The following CFAP20DC variants were observed in gnomAD, a reference collection of about 807,000 sequenced individuals.
The protein encoded by CFAP20DC is CFAP20 domain containing, also known as protein CFAP20DC.
Under a neutral mutation model 101.7 loss-of-function variants are expected in CFAP20DC, and 84 were observed. That is an observed-to-expected ratio of 0.83 (90% CI 0.69 to 0.99). CFAP20DC has a LOEUF of 0.99. Among genes scored for constraint, CFAP20DC ranks in the 50% least tolerant of loss-of-function variants. CFAP20DC has a pLI of 0.00. For synonymous variants in CFAP20DC, 359 were observed against 351.2 expected (o/e 1.02, Z -0.25); for missense variants, 1,007 against 970.3 (o/e 1.04, Z -0.50).
At chr3:58,734,523 T>G (rs1207716773) in intron 3 of CFAP20DC, 1 of 456,456 alleles carries the variant, frequency 2.2e-6, no homozygotes, top group South Asian at 1.5e-5. Context: ...ATCTTGGATG[T>G]CTCCAAGCTC....
intron 14 of CFAP20DC, among the ~76,000 whole-genome samples, chr3:58,821,173 C>G (rs2075612683): frequency 6.6e-6 from 1 of 151,960 alleles, no homozygotes; most frequent in African/African-American, 2.4e-5. Context: ...AAACGTTAGA[C>G]CTAAAACCAT....
chr3:58,738,160 A>G (rs1345818718), downstream of CFAP20DC, among the ~76,000 whole-genome samples: 1 of 152,122 alleles, frequency 6.6e-6, no homozygotes, highest in Non-Finnish European at 1.5e-5. This position sits in a 1 kb window ranked among gnomAD's most constrained non-coding sequence, Gnocchi z 4.4. Flanking sequence ...ACCATATGTG[A>G]ACAGGTGATA....
chr3:58,906,862 G>C (rs1250546330), intron 6 of CFAP20DC, among the ~76,000 whole-genome samples: 1 of 152,130 alleles, frequency 6.6e-6, no homozygotes, highest in African/African-American at 2.4e-5. Flanking sequence ...CATGGAGGCT[G>C]AGGCTGCAGT....
At chr3:58,881,390 G>A (rs774056697) in intron 7 of CFAP20DC, among the ~76,000 whole-genome samples, 12 of 152,122 alleles carry the variant, frequency 7.9e-5, no homozygotes, top group Non-Finnish European at 1.8e-4. Context: ...CATTTAAACC[G>A]GGGTCCCATT....
At chr3:59,030,625 T>A (rs2093972826) in intron 4 of CFAP20DC, among the ~76,000 whole-genome samples, 1 of 152,192 alleles carries the variant, frequency 6.6e-6, no homozygotes, top group South Asian at 2.1e-4. Context: ...CAACTGAATT[T>A]AAAATATAGT....
intron 13 of CFAP20DC, among the ~76,000 whole-genome samples, chr3:58,838,356 G>A (rs2076879663): frequency 6.6e-6 from 1 of 152,158 alleles, no homozygotes; most frequent in Admixed American, 6.6e-5. Flanking sequence ...CAGACTTGAT[G>A]CTGCCTTTGA....
chr3:58,730,839 GATAACACAA>G (rs1280408845), intron 3 of CFAP20DC, among the ~76,000 whole-genome samples: 7 of 152,036 alleles, frequency 4.6e-5, no homozygotes. Flanking sequence ...GTGGTTCAGT[GATAACACAA>G]ATTGAAAGGT....
rs1168518168 is a variant in CFAP20DC at position 58,732,024 on chromosome 3, T to C, written c.198-14396A>G. On this transcript the variant is annotated intron_variant, in intron 3 of 3. Transcript: ENST00000486145. The surrounding 1 kb of genome is among the most constrained non-coding windows in gnomAD (Gnocchi z 5.4). ...GATGAACACAGTTGCGAGGATTAAATGAGAAAATATGCACATACAGTTCAG... is the reference window on the plus strand; with the variant it reads ...GATGAACACAGTTGCGAGGATTAAACGAGAAAATATGCACATACAGTTCAG... Among the ~76,000 whole-genome samples, 1 of 152,160 alleles carries C rather than the reference T, an allele frequency of 6.6e-6. No homozygotes were observed. The highest frequency in any genetic ancestry group is 2.4e-5 in the African/African-American group (1 of 41,426).
rs377240102 is a variant in CFAP20DC at position 58,742,192 on chromosome 3, T to TTTGTTTATTTC, written c.*267_*268insGAAATAAACAA. The stretch of plus-strand genomic sequence containing the variant: ...AAATTATCTGAAATAAACAAAATTA[T>TTTGTTTATTTC]ATGTAGAATGAGAACAAACAAGAAC... On this transcript the variant is annotated 3_prime_UTR_variant, in exon 17 of 17. Transcript: ENST00000482387. 154 of 968,614 alleles carry TTTGTTTATTTC rather than the reference T, an allele frequency of 1.6e-4. 2 individuals carry two copies. The East Asian group carries it at 0.011, about 67-fold the overall frequency. 60.0% of individuals were successfully genotyped at this position (968,614 alleles called of 1,614,324 possible).
At position 58,863,813 on chromosome 3, in the gene CFAP20DC, G is replaced by C. The variant is rs1267217200; in HGVS notation, c.1338C>G (p.Asp446Glu). The C allele has an allele frequency of 1.2e-6, 2 of 1,614,052 alleles. No homozygotes were observed. Among genetic ancestry groups the C allele is most frequent in the Non-Finnish European group, 1.7e-6 (2 of 1,180,018 alleles). Residue 446 changes from aspartate to glutamate, a missense_variant, in exon 12 of 17, where the codon GAC becomes GAG. Transcript: ENST00000482387. The surrounding 1 kb of genome is among the most constrained non-coding windows in gnomAD (Gnocchi z 5.9). The part of the protein sequence containing the change: ...SSRQSLLLGD[D>E]SCNPSHLWLE... ...GCCACAGGTGTGATGGGTTGCAGGA[G>C]TCATCACCCAGAAGTAGAGACTGTC...
intron 4 of CFAP20DC, among the ~76,000 whole-genome samples, chr3:58,945,441 T>C: frequency 6.6e-6 from 1 of 152,108 alleles, no homozygotes; most frequent in East Asian, 1.9e-4. Flanking sequence ...CATCCACAAA[T>C]CCTTCCTTTT....
intron 13 of CFAP20DC, among the ~76,000 whole-genome samples, chr3:58,841,640 G>A (rs774028934): frequency 2.6e-5 from 4 of 152,216 alleles, no homozygotes; most frequent in Non-Finnish European, 5.9e-5. Flanking sequence ...ATATTCAAAA[G>A]TGTCTTTCCA....
intron 6 of CFAP20DC, among the ~76,000 whole-genome samples, chr3:58,907,584 T>G (rs2083731918): frequency 6.6e-6 from 1 of 152,194 alleles, no homozygotes; most frequent in Non-Finnish European, 1.5e-5. Context: ...CTCAGAGATG[T>G]TCAGAACTCA....
rs2079970110 is a variant in CFAP20DC at position 58,869,591 on chromosome 3, G to C, written c.853-101C>G. 2.3e-6 allele frequency: 2 copies of C among 852,016 alleles called. No individual in the cohort carries two copies. Among genetic ancestry groups the C allele is most frequent in the Non-Finnish European group, 3.4e-6 (2 of 593,292 alleles). The allele number at this position is 852,016 out of a possible 1,614,324, so 52.8% of individuals were successfully genotyped here. On this transcript the variant is annotated intron_variant, in intron 8 of 16. Transcript: ENST00000482387. The surrounding 1 kb of genome is among the most constrained non-coding windows in gnomAD (Gnocchi z 4.3). ...TAATATTTGGACCAATGAAGAGTGA[G>C]AAAAAAACTAGAGGAAATGAGGTTA...
At chr3:58,880,257 T>A (rs1450799535) in intron 7 of CFAP20DC, among the ~76,000 whole-genome samples, 1 of 152,188 alleles carries the variant, frequency 6.6e-6, no homozygotes, top group Non-Finnish European at 1.5e-5. Flanking sequence ...TTAAAAATTT[T>A]ATGCATATAT....
chr3:58,807,213 T>C (rs184354688), intron 14 of CFAP20DC, among the ~76,000 whole-genome samples: 1 of 152,178 alleles, frequency 6.6e-6, no homozygotes, highest in Non-Finnish European at 1.5e-5. Context: ...AAGAGAGCAG[T>C]GGTTCTCCCA....
intron 4 of CFAP20DC, among the ~76,000 whole-genome samples, chr3:58,965,247 C>G (rs1169294016): frequency 6.6e-6 from 1 of 152,136 alleles, no homozygotes; most frequent in African/African-American, 2.4e-5. Flanking sequence ...GAATGGGTTT[C>G]AAACCTAGAT....
intron 15 of CFAP20DC, among the ~76,000 whole-genome samples, chr3:58,766,995 C>T (rs1371126984): frequency 1.3e-5 from 2 of 152,164 alleles, no homozygotes; most frequent in African/African-American, 2.4e-5. Flanking sequence ...TAAGAGCTCT[C>T]GTCTCAGCTC....
rs184598660 is a variant in CFAP20DC at position 58,816,945 on chromosome 3, G to C, written c.2176-10489C>G. ...TCCCAGCACGCAGCTGGAGATCTGAGAACCAGCAGACTGCCTCCTCAAGTG... is the reference window on the plus strand; with the variant it reads ...TCCCAGCACGCAGCTGGAGATCTGACAACCAGCAGACTGCCTCCTCAAGTG... On this transcript the variant is annotated intron_variant, in intron 14 of 16. Coordinates refer to ENST00000482387, the MANE Select transcript of CFAP20DC (RefSeq NM_001394063.1). Among the ~76,000 whole-genome samples the C allele has an allele frequency of 3.0e-4, 45 of 152,316 alleles. No individual in the cohort carries two copies. In the East Asian group the frequency reaches 5.8e-3, roughly 20 times the overall value.
Sources: gnomAD v4.1 joint callset for allele counts (sites outside exome capture counted in the v4.1 genomes callset) on GRCh38, gnomAD v4.1.1 for gene constraint, Gnocchi (gnomAD v3.1) non-coding constraint, MANE v1.5 for transcripts, NCBI Gene and HGNC (gene_info 2026-07-23, HGNC 2026-07-21) for gene names.